The following KIF4A variants were observed in gnomAD, a reference collection of about 807,000 sequenced individuals.
The protein encoded by KIF4A is chromosome-associated kinesin KIF4A.
KIF4A carries 7 observed loss-of-function variants against 105.9 expected under a neutral mutation model. The ratio of observed to expected loss-of-function variants is 0.07; its 90% CI spans 0.04 to 0.12. KIF4A has a LOEUF of 0.12. Ranked by LOEUF, KIF4A falls within the 10% of genes least tolerant of loss-of-function variation. KIF4A has a pLI of 1.00. For missense variants in KIF4A, 558 were observed against 929.2 expected (o/e 0.60, Z 5.19); for synonymous variants, 281 against 331.3 (o/e 0.85, Z 1.65).
intron 20 of KIF4A, among the ~76,000 whole-genome samples, chrX:70,389,246 A>G (rs2086229205): frequency 9.2e-6 from 1 of 108,515 alleles, no homozygotes; most frequent in Admixed American, 1.0e-4. Flanking sequence ...ACACAGCAAG[A>G]TCCTGTCTCA....
At chrX:70,372,304 G>A (rs1320899739) in intron 15 of KIF4A, among the ~76,000 whole-genome samples, 15 of 112,635 alleles carry the variant, frequency 1.3e-4, no homozygotes, top group Non-Finnish European at 2.4e-4. Context: ...CTGGGAGGTG[G>A]AGGTTGTAGC....
At chrX:70,339,726 T>C (rs181749672) in intron 10 of KIF4A, among the ~76,000 whole-genome samples, 130 of 112,795 alleles carry the variant, frequency 1.2e-3, no homozygotes, top group Admixed American at 5.8e-3. Flanking sequence ...CTTTTGTTTT[T>C]TAACATGTCA....
chrX:70,332,518 A>G (rs767653139), intron 9 of KIF4A, among the ~76,000 whole-genome samples: 1 of 111,575 alleles, frequency 9.0e-6, no homozygotes. Context: ...GCGAAAGGAA[A>G]TGGAGGCAAT....
rs753389007 is a variant in KIF4A at position 70,393,168 on chromosome X, T to A, written c.2233-2503T>A. On this transcript the variant is annotated intron_variant, in intron 20 of 30. Transcript: ENST00000374403. ...CAATTCAAAATACATTCTAATTTTC[T>A]TATTGATTTTTTTCTTTGACCCATG... Among the ~76,000 whole-genome samples, 5 of 111,329 alleles carry A rather than the reference T, an allele frequency of 4.5e-5. No homozygotes were observed. The South Asian group carries it at 1.9e-3, about 42-fold the overall frequency.
chrX:70,371,824 G>A (rs1425940125), intron 15 of KIF4A, among the ~76,000 whole-genome samples: 22 of 103,888 alleles, frequency 2.1e-4, no homozygotes, highest in African/African-American at 6.7e-4. Context: ...GCTGCCGGGC[G>A]GAGGGGCTCC....
At chrX:70,303,312 T>G (rs2085811750) in intron 7 of KIF4A, among the ~76,000 whole-genome samples, 1 of 112,182 alleles carries the variant, frequency 8.9e-6, no homozygotes, top group South Asian at 3.7e-4. Context: ...TGACATAGCT[T>G]CAGCAGTCTC....
rs2086361015 is a variant in KIF4A at position 70,420,154 on chromosome X, A to G, written c.3588A>G (p.Val1196=). 8.3e-7 allele frequency: 1 copy of G among 1,211,211 alleles called. No individual in the cohort carries two copies. The highest frequency in any genetic ancestry group is 1.7e-5 in the African/African-American group (1 of 57,679). The part of the protein sequence containing the change: ...SPFDLPELKH[V]ATEYQENKAP... ...TTGACCTCCCAGAGTTGAAACATGTAGCAACAGAATACCAAGAAAACAAGG... is the reference window on the plus strand; with the variant it reads ...TTGACCTCCCAGAGTTGAAACATGTGGCAACAGAATACCAAGAAAACAAGG... Residue 1196 remains valine (V), a synonymous_variant, in exon 31 of 31, where the codon GTA becomes GTG. Transcript: ENST00000374403.
At chrX:70,401,164 C>G (rs1203226927) in intron 22 of KIF4A, among the ~76,000 whole-genome samples, 1 of 104,501 alleles carries the variant, frequency 9.6e-6, no homozygotes, top group Non-Finnish European at 2.0e-5. Context: ...GCTGCAACCT[C>G]CGACTTGCTG....
chrX:70,352,119 A>G (rs1223355152), intron 13 of KIF4A, among the ~76,000 whole-genome samples: 1 of 112,465 alleles, frequency 8.9e-6, no homozygotes, highest in East Asian at 2.8e-4. Context: ...AAAATAAAAA[A>G]TAACCATTCT....
intron 20 of KIF4A, among the ~76,000 whole-genome samples, chrX:70,390,571 A>G (rs754132058): frequency 9.0e-6 from 1 of 111,212 alleles, no homozygotes; most frequent in East Asian, 2.8e-4. Flanking sequence ...TTGATTGGTC[A>G]GTTTTTATTC....
At chrX:70,411,939 G>A (rs2086323867) in intron 28 of KIF4A, among the ~76,000 whole-genome samples, 1 of 109,667 alleles carries the variant, frequency 9.1e-6, no homozygotes, top group Non-Finnish European at 1.9e-5. Context: ...TCTCAACTAC[G>A]GTGCTGGGAC....
rs370365535 is a variant in KIF4A, at chrX:70,387,202, C to T, written c.2137C>T (p.Arg713Cys). The T allele has an allele frequency of 1.5e-5, 18 of 1,176,600 alleles. No individual in the cohort carries two copies. The highest frequency in any genetic ancestry group is 1.1e-4 in the African/African-American group (6 of 55,771). Residue 713 changes from arginine (R) to cysteine (C), a missense_variant, in exon 20 of 31, where the codon CGT (arginine) becomes TGT (cysteine). Physicochemically the swap from Arg to Cys is radical, Grantham distance 180 (BLOSUM62 -3). This residue lies in a region of KIF4A where 469 missense variants were observed against 680.4 expected (regional missense o/e 0.69). Coordinates refer to ENST00000374403, the MANE Select transcript of KIF4A (RefSeq NM_012310.5). Reference sequence around the variant, plus strand: ...TATTTAGGCAGCAGCTGCCAACAAGCGTCTCAAGGATGCTCTCCAGAAACA... The same window carrying T: ...TATTTAGGCAGCAGCTGCCAACAAGTGTCTCAAGGATGCTCTCCAGAAACA... ...KTEEAAAANK[R>C]LKDALQKQRE...
At chrX:70,357,203 A>G (rs1326372370) in intron 15 of KIF4A, among the ~76,000 whole-genome samples, 1 of 111,378 alleles carries the variant, frequency 9.0e-6, no homozygotes, top group Non-Finnish European at 1.9e-5. Flanking sequence ...AGTCCCAGCT[A>G]CTGGGGAGGC....
In KIF4A at chrX:70,386,695, G is replaced by A. The variant is rs749517212; in HGVS notation, c.2112G>A (p.Thr704=). The A allele has an allele frequency of 1.2e-5, 14 of 1,193,313 alleles. No individual in the cohort carries two copies. Among genetic ancestry groups the A allele is most frequent in the Middle Eastern group, 2.3e-4 (1 of 4,339 alleles). ...AATCCAATGTGCTCAGACGTAAAACGGAGGAGGTAAGAAAATTCAATCTGC... is the reference window on the plus strand; with the variant it reads ...AATCCAATGTGCTCAGACGTAAAACAGAGGAGGTAAGAAAATTCAATCTGC... The part of the protein sequence containing the change: ...QKQSNVLRRK[T]EEAAAANKRL... The change falls in exon 19 of 31, where the codon ACG becomes ACA. Residue 704 remains threonine, a synonymous_variant. Coordinates refer to ENST00000374403, the MANE Select transcript of KIF4A (RefSeq NM_012310.5).
chrX:70,398,039 T>C (rs903033459), intron 22 of KIF4A, among the ~76,000 whole-genome samples: 1 of 111,805 alleles, frequency 8.9e-6, no homozygotes, highest in African/African-American at 3.2e-5. Flanking sequence ...TTTGTTTTTG[T>C]TTTATGTTTG....
At chrX:70,333,762 G>A in intron 10 of KIF4A, 73 bp downstream of exon 10, 5 of 742,005 alleles carry the variant, frequency 6.7e-6, no homozygotes, top group Non-Finnish European at 8.3e-6. Context: ...TTTTTCCCTG[G>A]TTTCTGCTAG....
chrX:70,353,961 A>T (rs2086041389), intron 15 of KIF4A, among the ~76,000 whole-genome samples, 154 bp downstream of exon 15: 1 of 112,636 alleles, frequency 8.9e-6, no homozygotes, highest in Non-Finnish European at 1.9e-5. Context: ...AAGAGGATAC[A>T]TTCAGGACAG....
chrX:70,342,549 A>G (rs762413200), intron 11 of KIF4A, among the ~76,000 whole-genome samples: 17 of 112,042 alleles, frequency 1.5e-4, no homozygotes, highest in Admixed American at 6.6e-4. Context: ...ATACAACTCA[A>G]TCTTTGATAG....
In KIF4A at chrX:70,371,468, C is replaced by G. The variant is rs1387511355; in HGVS notation, c.1675-2683C>G. Among the ~76,000 whole-genome samples, 11 of 112,274 alleles carry G rather than the reference C, an allele frequency of 9.8e-5. No individual in the cohort carries two copies. In the South Asian group the frequency reaches 4.1e-3, roughly 42 times the overall value. On this transcript the variant is annotated intron_variant, in intron 15 of 30. Transcript: ENST00000374403. ...CACAAAACCGCCATTGTCATCATGG[C>G]CCGTTCTCAGTGAGCTGTTGGGTAT...
Sources: allele counts gnomAD v4.1 joint callset (sites outside exome capture counted in the v4.1 genomes callset), GRCh38; gene constraint gnomAD v4.1.1; regional missense constraint gnomAD v4.1.1; transcripts MANE v1.5; gene names NCBI Gene and HGNC (gene_info 2026-07-23, HGNC 2026-07-21).